The following SYT1 variants were observed in gnomAD, a reference collection of about 807,000 sequenced individuals.
SYT1 encodes synaptotagmin 1.
In SYT1, 8 loss-of-function variants were observed where a neutral mutation model predicts 44.8. That is an observed-to-expected ratio of 0.18 (90% CI 0.10 to 0.32). The LOEUF is 0.32. Among genes scored for constraint, SYT1 ranks in the 10% least tolerant of loss-of-function variants. SYT1 has a pLI of 1.00. For synonymous variants in SYT1, 154 were observed against 188.8 expected, an observed-to-expected ratio of 0.82 and a Z score of 1.51; for missense variants, 286 against 509.3, an observed-to-expected ratio of 0.56 and a Z score of 4.22.
intron 1 of SYT1, among the ~76,000 whole-genome samples, chr12:78,973,923 AAAAAAAAAAAAAAAAATAT>A (rs1565743703): frequency 2.9e-4 from 7 of 24,022 alleles, no homozygotes; most frequent in African/African-American, 1.5e-3. Flanking sequence ...CACCAAAAAA[AAAAAAAAAAAAAAAAATAT>A]ATATATATAT....
At chr12:79,383,586 A>G (rs902114993) in intron 9 of SYT1, among the ~76,000 whole-genome samples, 7 of 152,188 alleles carry the variant, frequency 4.6e-5, no homozygotes, top group African/African-American at 1.4e-4. Context: ...ACTACCCTTT[A>G]TGTCCATTTT....
At chr12:78,927,853 C>T (rs912215516) in intron 1 of SYT1, among the ~76,000 whole-genome samples, 2 of 152,018 alleles carry the variant, frequency 1.3e-5, no homozygotes, top group African/African-American at 4.8e-5. Context: ...ATACTAAATA[C>T]CCTTTCAAAA....
intron 1 of SYT1, among the ~76,000 whole-genome samples, chr12:78,888,097 T>C (rs1293017794): frequency 6.6e-6 from 1 of 151,926 alleles, no homozygotes; most frequent in Non-Finnish European, 1.5e-5. Context: ...ATAAGGAATA[T>C]AATTTTGTAG....
intron 7 of SYT1, among the ~76,000 whole-genome samples, chr12:79,296,920 A>G (rs1370410334): frequency 6.6e-6 from 1 of 152,074 alleles, no homozygotes; most frequent in Non-Finnish European, 1.5e-5. Context: ...ATTAAAAACA[A>G]TTCTTTTGGT....
intron 3 of SYT1, among the ~76,000 whole-genome samples, chr12:79,217,278 G>A (rs1404984447): frequency 1.3e-5 from 2 of 152,166 alleles, no homozygotes; most frequent in Non-Finnish European, 2.9e-5. Flanking sequence ...GGAATAGAAT[G>A]CTATTCAGTA....
At chr12:79,264,610 T>A (rs530737503) in intron 4 of SYT1, among the ~76,000 whole-genome samples, 1 of 152,276 alleles carries the variant, frequency 6.6e-6, no homozygotes, top group East Asian at 1.9e-4. Flanking sequence ...ATGTTGCCAA[T>A]GGAAAGATAG....
At chr12:78,993,730 T>A (rs542165416) in intron 2 of SYT1, among the ~76,000 whole-genome samples, 1 of 152,216 alleles carries the variant, frequency 6.6e-6, no homozygotes, top group South Asian at 2.1e-4. Context: ...AAAATGATGA[T>A]TTCATATAGC....
At chr12:79,437,229 G>A (rs1000481872) in intron 9 of SYT1, among the ~76,000 whole-genome samples, 1 of 152,182 alleles carries the variant, frequency 6.6e-6, no homozygotes, top group Admixed American at 6.5e-5. Flanking sequence ...GAGTTTTAAT[G>A]AGGAGGATAG....
At chr12:79,150,771 T>G (rs1469693407) in intron 3 of SYT1, among the ~76,000 whole-genome samples, 2 of 152,102 alleles carry the variant, frequency 1.3e-5, no homozygotes, top group Non-Finnish European at 2.9e-5. Context: ...GCTTAAGATA[T>G]TATATTGTAT....
At chr12:79,110,272 G>C (rs1056848874) in intron 3 of SYT1, among the ~76,000 whole-genome samples, 1 of 152,002 alleles carries the variant, frequency 6.6e-6, no homozygotes, top group African/African-American at 2.4e-5. Flanking sequence ...AAAGTGAGCT[G>C]ACCTCCAATA....
chr12:79,103,060 G>A (rs1460545679), intron 3 of SYT1: 4 of 152,162 alleles, frequency 2.6e-5, no homozygotes, highest in African/African-American at 9.7e-5. Context: ...GGTCAAGTAA[G>A]TATTCAAATT....
intron 2 of SYT1, among the ~76,000 whole-genome samples, chr12:79,041,165 T>C (rs992761060): frequency 6.6e-6 from 1 of 150,972 alleles, no homozygotes; most frequent in Non-Finnish European, 1.5e-5. Flanking sequence ...GTGAAGAAAG[T>C]CATTGGTAGC....
intron 3 of SYT1, among the ~76,000 whole-genome samples, chr12:79,131,840 A>G (rs2138180151): frequency 6.6e-6 from 1 of 152,352 alleles, no homozygotes; most frequent in East Asian, 1.9e-4. Flanking sequence ...ATGAAAAACT[A>G]ATAGGAATAT....
chr12:79,119,680 C>T (rs957021745), intron 3 of SYT1, among the ~76,000 whole-genome samples: 2 of 152,058 alleles, frequency 1.3e-5, no homozygotes, highest in Non-Finnish European at 2.9e-5. Flanking sequence ...AGAGAGTTGA[C>T]GTGACAGCAA....
Position 79,110,408 on chromosome 12 carries a change from T to C in SYT1, c.-18+63046T>C, listed in dbSNP as rs189238350. Among the ~76,000 whole-genome samples, 704 of 152,322 alleles carry C rather than the reference T, an allele frequency of 4.6e-3. 3 individuals are homozygous for C. The highest frequency in any genetic ancestry group is 0.014 in the Middle Eastern group (4 of 294). Reference sequence around the variant, plus strand: ...TAGGACATAAGTCCTTTTTTCCTCCTAAAATAGGGACTTTATGGGGTTTTC... The same window carrying C: ...TAGGACATAAGTCCTTTTTTCCTCCCAAAATAGGGACTTTATGGGGTTTTC... On this transcript the variant is annotated intron_variant, in intron 3 of 10. Coordinates refer to ENST00000261205, the MANE Select transcript of SYT1 (RefSeq NM_005639.3).
intron 8 of SYT1, among the ~76,000 whole-genome samples, chr12:79,319,225 A>C (rs1400244476): frequency 6.6e-6 from 1 of 152,208 alleles, no homozygotes; most frequent in Non-Finnish European, 1.5e-5. Context: ...CTGGAAAATC[A>C]CGTATAGTGC....
At chr12:79,278,071 T>A (rs184560236) in intron 4 of SYT1, among the ~76,000 whole-genome samples, 2 of 152,054 alleles carry the variant, frequency 1.3e-5, no homozygotes, top group Admixed American at 6.6e-5. Context: ...TAAGGGAGAA[T>A]TCAACAATCC....
intron 1 of SYT1, among the ~76,000 whole-genome samples, chr12:78,882,352 C>A (rs1874504647): frequency 6.6e-6 from 1 of 151,696 alleles, no homozygotes; most frequent in Non-Finnish European, 1.5e-5. Context: ...GAAAGCTGAG[C>A]TTTCCACAGT....
intron 2 of SYT1, among the ~76,000 whole-genome samples, chr12:79,031,075 A>G (rs1031929685): frequency 2.0e-4 from 30 of 151,124 alleles, no homozygotes; most frequent in African/African-American, 6.8e-4. Flanking sequence ...GAGAATAAAC[A>G]CATAATTTTA....
Sources: allele counts gnomAD v4.1 joint callset (sites outside exome capture counted in the v4.1 genomes callset), GRCh38; gene constraint gnomAD v4.1.1; transcripts MANE v1.5; gene names NCBI Gene and HGNC (gene_info 2026-07-23, HGNC 2026-07-21).